The following PDE4D variants were observed in gnomAD, a reference collection of about 807,000 sequenced individuals.
The protein encoded by PDE4D is phosphodiesterase 4D.
Under a neutral mutation model 87.4 loss-of-function variants are expected in PDE4D, and 24 were observed. That is an observed-to-expected ratio of 0.27 (90% CI 0.20 to 0.39). The LOEUF is 0.39. Among genes scored for constraint, PDE4D ranks in the 10% least tolerant of loss-of-function variants. PDE4D has a pLI of 1.00. For synonymous variants in PDE4D, 384 were observed against 383.2 expected (o/e 1.00, Z -0.02); for missense variants, 714 against 1,041.0 (o/e 0.69, Z 4.32).
At chr5:59,867,996 CA>C (rs1198196147) in intron 1 of PDE4D, among the ~76,000 whole-genome samples, 1 of 152,080 alleles carries the variant, frequency 6.6e-6, no homozygotes, top group Non-Finnish European at 1.5e-5. Context: ...GTGCTTGTAT[CA>C]TCGAGTCAAC....
intron 1 of PDE4D, among the ~76,000 whole-genome samples, chr5:59,259,582 C>T (rs1761601969): frequency 6.6e-6 from 1 of 151,908 alleles, no homozygotes; most frequent in Admixed American, 6.6e-5. Flanking sequence ...ACTCCTGATG[C>T]AAGAAGCTGA....
chr5:59,896,297 T>C (rs1306788604), upstream of PDE4D, among the ~76,000 whole-genome samples: 1 of 152,126 alleles, frequency 6.6e-6, no homozygotes, highest in Non-Finnish European at 1.5e-5. Flanking sequence ...GGCTGGGAAG[T>C]ATCCTAAATA....
At chr5:59,764,409 C>T (rs1290859788) in intron 1 of PDE4D, among the ~76,000 whole-genome samples, 1 of 152,138 alleles carries the variant, frequency 6.6e-6, no homozygotes, top group Non-Finnish European at 1.5e-5. Flanking sequence ...GAAACTGAAG[C>T]ACACGTTAAG....
chr5:59,264,874 C>T (rs527831580), intron 1 of PDE4D, among the ~76,000 whole-genome samples: 6 of 152,138 alleles, frequency 3.9e-5, no homozygotes, highest in Admixed American at 1.3e-4. Context: ...ACAGACCTAA[C>T]CAGATCTCTA....
At chr5:60,344,429 C>T (rs1206735988) in intron 1 of PDE4D, among the ~76,000 whole-genome samples, 1 of 151,906 alleles carries the variant, frequency 6.6e-6, no homozygotes, top group Non-Finnish European at 1.5e-5. Flanking sequence ...CCTTCCTTAA[C>T]TAGGTATCAA....
At chr5:60,271,274 C>T (rs1750783328) in intron 1 of PDE4D, among the ~76,000 whole-genome samples, 1 of 152,096 alleles carries the variant, frequency 6.6e-6, no homozygotes, top group Non-Finnish European at 1.5e-5. Flanking sequence ...TGTGGTTGGA[C>T]ACCTGTGTTG....
chr5:60,410,942 A>G (rs573813359), intron 1 of PDE4D, among the ~76,000 whole-genome samples: 13 of 152,330 alleles, frequency 8.5e-5, no homozygotes, highest in African/African-American at 2.9e-4. Context: ...CTCAATAATC[A>G]TATGAAGTAG....
At chr5:60,450,710 A>C (rs1746032228) in intron 1 of PDE4D, among the ~76,000 whole-genome samples, 2 of 152,158 alleles carry the variant, frequency 1.3e-5, no homozygotes, top group South Asian at 4.1e-4. Context: ...TGACATAAAT[A>C]CAAGTTTCAT....
chr5:59,879,136 G>A (rs1749068504), intron 1 of PDE4D, among the ~76,000 whole-genome samples: 1 of 151,910 alleles, frequency 6.6e-6, no homozygotes, highest in South Asian at 2.1e-4. Context: ...TCCTGACCTC[G>A]TGATCCGCTC....
chr5:59,042,969 T>C (rs1397169513), intron 5 of PDE4D, among the ~76,000 whole-genome samples: 1 of 152,204 alleles, frequency 6.6e-6, no homozygotes, highest in Non-Finnish European at 1.5e-5. Flanking sequence ...AGGTCATTTT[T>C]TGTGAAATGT....
chr5:59,800,870 CA>C (rs1299821112), intron 1 of PDE4D, among the ~76,000 whole-genome samples: 9 of 152,074 alleles, frequency 5.9e-5, no homozygotes, highest in Non-Finnish European at 1.3e-4. Context: ...AGAATGTGTA[CA>C]AAAATGCATT....
chr5:60,001,172 C>G (rs1198469714), intron 2 of PDE4D, among the ~76,000 whole-genome samples: 1 of 152,074 alleles, frequency 6.6e-6, no homozygotes, highest in Admixed American at 6.6e-5. Flanking sequence ...GGGGAGTCCT[C>G]CAGAAACCCA....
intron 2 of PDE4D, among the ~76,000 whole-genome samples, chr5:60,154,326 G>C (rs1307370611): frequency 2.0e-5 from 3 of 151,856 alleles, no homozygotes; most frequent in Non-Finnish European, 4.4e-5. Context: ...GCCCAGGCTG[G>C]AGTGCAGTGG....
intron 1 of PDE4D, among the ~76,000 whole-genome samples, chr5:59,617,382 C>A (rs1044990260): frequency 2.6e-5 from 4 of 152,136 alleles, no homozygotes; most frequent in Non-Finnish European, 4.4e-5. Context: ...GAATGTATGA[C>A]AATAATAGCA....
intron 6 of PDE4D, among the ~76,000 whole-genome samples, chr5:58,997,057 A>G (rs1156529820): frequency 1.3e-5 from 2 of 152,172 alleles, no homozygotes; most frequent in African/African-American, 4.8e-5. Context: ...TAATTATAAA[A>G]GACAATATTT....
chr5:59,471,778 TAG>T (rs1180911242), intron 1 of PDE4D, among the ~76,000 whole-genome samples: 4 of 152,328 alleles, frequency 2.6e-5, no homozygotes, highest in South Asian at 4.1e-4. Flanking sequence ...TAGCAGCACA[TAG>T]AGTGTTGTCT....
At chr5:59,574,277 G>A (rs1822752867) in intron 1 of PDE4D, among the ~76,000 whole-genome samples, 1 of 148,650 alleles carries the variant, frequency 6.7e-6, no homozygotes, top group African/African-American at 2.5e-5. Flanking sequence ...ACATACATAT[G>A]TGAGTAGGAA....
rs543247271 is a variant in PDE4D, at chr5:59,512,319, C to A, written c.456-296351G>T. Among the ~76,000 whole-genome samples the A allele has an allele frequency of 1.4e-4, 22 of 152,230 alleles. No homozygotes were observed. In the South Asian group the frequency reaches 4.1e-3, roughly 29 times the overall value. On this transcript the variant is annotated intron_variant, in intron 1 of 14. Coordinates refer to ENST00000340635, the MANE Select transcript of PDE4D (RefSeq NM_001104631.2). ...TCTCTGTTTCCATTAAGGTTATATTCCTCTCTGGGTCAGTCAAATCAAACT... is the reference window on the plus strand; with the variant it reads ...TCTCTGTTTCCATTAAGGTTATATTACTCTCTGGGTCAGTCAAATCAAACT...
At position 58,975,667 on chromosome 5, in the gene PDE4D, T is replaced by C. The variant is rs1743537768; in HGVS notation, c.2003A>G (p.Glu668Gly). The change falls in exon 14 of 15, where the codon GAA becomes GGA. Residue 668 changes from glutamate (E) to glycine (G), a missense_variant. Physicochemically the swap from Glu to Gly is moderately conservative, Grantham distance 98. This residue lies in a region of PDE4D where 97 missense variants were observed against 176.9 expected (regional missense o/e 0.55). Transcript: ENST00000340635. This position sits in a 1 kb window ranked among gnomAD's most constrained non-coding sequence, Gnocchi z 4.2. ...CACTTCATGCATTACCTGTGATTTTTCCACGGAAGCATTGTGCTTGTCACA... is the reference window on the plus strand; with the variant it reads ...CACTTCATGCATTACCTGTGATTTTCCCACGGAAGCATTGTGCTTGTCACA... ...PMCDKHNASV[E>G]KSQVGFIDYI... 6.2e-7 allele frequency: 1 copy of C among 1,601,630 alleles called. No homozygotes were observed.
Sources: gnomAD v4.1 joint callset for allele counts (sites outside exome capture counted in the v4.1 genomes callset) on GRCh38, gnomAD v4.1.1 for gene constraint, gnomAD v4.1.1 regional missense constraint, Gnocchi (gnomAD v3.1) non-coding constraint, MANE v1.5 for transcripts, NCBI Gene and HGNC (gene_info 2026-07-23, HGNC 2026-07-21) for gene names.